TIMM17B: variants seen among roughly 807,000 people sequenced by gnomAD.
TIMM17B encodes the protein translocase of inner mitochondrial membrane 17B.
Under a neutral mutation model 15.9 loss-of-function variants are expected in TIMM17B, and 10 were observed. That is an observed-to-expected ratio of 0.63 (90% CI 0.39 to 1.06). The LOEUF is 1.06. Among genes scored for constraint, TIMM17B ranks in the 50% least tolerant of loss-of-function variants. The pLI, the probability that TIMM17B is intolerant of heterozygous loss-of-function variation, is 0.01. For missense variants in TIMM17B, 114 were observed against 152.2 expected, an observed-to-expected ratio of 0.75 and a Z score of 1.32; for synonymous variants, 57 against 57.2, an observed-to-expected ratio of 1.00 and a Z score of 0.02.
rs782105222 is a variant in TIMM17B at position 48,894,104 on chromosome X, A to T, written c.312T>A (p.Ala104=). 5 of 1,198,184 alleles carry T rather than the reference A, an allele frequency of 4.2e-6. No homozygotes were observed. In the Admixed American group the frequency reaches 1.1e-4, roughly 27 times the overall value. Residue 104 remains alanine, a synonymous_variant, in exon 5 of 7, where the codon GCT becomes GCA. Transcript: ENST00000376582. ...GGGCCAGGGGTCACTCACTGCGGGC[A>T]GCCAGCACAGCCCCGGTCAATGCTC...
At chrX:48,896,889 T>C (rs2063318337) in intron 2 of TIMM17B, 31 bp from the exon 2 acceptor site, 2 of 1,208,955 alleles carry the variant, frequency 1.7e-6, no homozygotes, top group Non-Finnish European at 2.2e-6. Flanking sequence ...ACGGGGTTAA[T>C]GTGAGCCCTC....
At chrX:48,894,817 T>A (rs1237156998) in intron 4 of TIMM17B, among the ~76,000 whole-genome samples, 1 of 111,498 alleles carries the variant, frequency 9.0e-6, no homozygotes, top group African/African-American at 3.3e-5. Flanking sequence ...GTTAAGCCAC[T>A]AGCCCAAGGT....
chrX:48,897,197 AGACT>A (rs1397123662), intron 2 of TIMM17B: 6 of 287,978 alleles, frequency 2.1e-5, no homozygotes, highest in African/African-American at 5.4e-5. Flanking sequence ...TAGCCAAGAC[AGACT>A]GTCAGCAAAG....
exon 5 of TIMM17B, chrX:48,894,136 T>C: frequency 1.7e-6 from 2 of 1,201,905 alleles, no homozygotes; most frequent in Non-Finnish European, 2.2e-6. Flanking sequence ...GCTCCACTGG[T>C]GATAGAGTTC....
At chrX:48,894,424 A>G (rs2063298313) in intron 4 of TIMM17B, among the ~76,000 whole-genome samples, 199 bp from the exon 4 acceptor site, 1 of 111,499 alleles carries the variant, frequency 9.0e-6, no homozygotes, top group Non-Finnish European at 1.9e-5. Flanking sequence ...TATAATCACC[A>G]TCAACATTCC....
chrX:48,897,729 C>G (rs200328128), exon 2 of TIMM17B: 7 of 1,208,872 alleles, frequency 5.8e-6, no homozygotes, highest in Non-Finnish European at 6.7e-6. Context: ...CGTACCAGGG[C>G]TCCCGAGCGT....
chrX:48,896,151 C>CAA (rs61674746), intron 3 of TIMM17B: 13,972 of 34,690 alleles, frequency 0.4, 2,790 homozygotes, highest in East Asian at 0.56. Flanking sequence ...GATGCTGTCT[C>CAA]AAAAAAAAAA....
chrX:48,893,813 G>A, exon 7 of TIMM17B: 2 of 1,180,572 alleles, frequency 1.7e-6, no homozygotes, highest in Non-Finnish European at 2.3e-6. Context: ...CCAGGAATGG[G>A]GGCGCTGGAG....
Position 48,897,654 on chromosome X carries a change from C to T in TIMM17B, c.26+70G>A, listed in dbSNP as rs55721510. The stretch of plus-strand genomic sequence containing the variant: ...CATGGCTCTGTGCGGCCGATGCCTC[C>T]CCCGCCCGACCCCCACGGCTGGCCT... On this transcript the variant is annotated intron_variant, in intron 2 of 6. Transcript: ENST00000376582. The T allele has an allele frequency of 6.8e-3, 6,532 of 960,499 alleles. 26 individuals are homozygous for T. The highest frequency in any genetic ancestry group is 8.6e-3 in the Non-Finnish European group (5,816 of 673,248). 79.2% of individuals were successfully genotyped at this position (960,499 alleles called of 1,213,427 possible).
At chrX:48,894,001 A>T in exon 6 of TIMM17B, 1 of 1,205,665 alleles carries the variant, frequency 8.3e-7, no homozygotes, top group Non-Finnish European at 1.1e-6. Context: ...CACCATGGCC[A>T]GTGGGCCACC....
chrX:48,893,766 G>A (rs782476205), exon 7 of TIMM17B: 32 of 1,164,360 alleles, frequency 2.7e-5, no homozygotes, highest in African/African-American at 3.6e-5. Context: ...GCCTGGGGCC[G>A]GGGTGCCATC....
At chrX:48,897,573 G>T in intron 2 of TIMM17B, 151 bp downstream of exon 1, 1 of 491,993 alleles carries the variant, frequency 2.0e-6, no homozygotes, top group South Asian at 2.9e-5. Flanking sequence ...GAGCCCGAAT[G>T]ACAGGAACCG....
intron 3 of TIMM17B, chrX:48,895,604 T>G (rs2063303379): frequency 6.4e-6 from 3 of 465,679 alleles, no homozygotes; most frequent in East Asian, 7.3e-5. Context: ...GATGACAAAC[T>G]TGGGCAAAGA....
intron 4 of TIMM17B, among the ~76,000 whole-genome samples, chrX:48,894,721 A>T (rs782617615): frequency 4.5e-5 from 5 of 111,946 alleles, no homozygotes; most frequent in Non-Finnish European, 9.4e-5. Context: ...AGCACTTAGT[A>T]GTATGTAAAT....
At chrX:48,895,450 C>T in intron 3 of TIMM17B, 1 of 516,027 alleles carries the variant, frequency 1.9e-6, no homozygotes, top group Non-Finnish European at 3.5e-6. Context: ...GTGGGAGACA[C>T]AGATCTTGAG....
Position 48,893,796 on chromosome X carries a change from G to A in TIMM17B, c.452C>T (p.Pro151Leu), listed in dbSNP as rs200147155. Reference sequence around the variant, plus strand: ...GCCATCCTTAGGGGGCAGCTGGCTGGGGTCCTCCAGGAATGGGGGCGCTGG... The same window carrying A: ...GCCATCCTTAGGGGGCAGCTGGCTGAGGTCCTCCAGGAATGGGGGCGCTGG... Residue 151 changes from proline (P) to leucine (L), a missense_variant, in exon 7 of 7, where the codon CCC becomes CTC. Pro to Leu is a moderately conservative substitution (Grantham distance 98). Transcript: ENST00000376582. 3 of 1,175,263 alleles carry A rather than the reference G, an allele frequency of 2.6e-6. No individual in the cohort carries two copies. The African/African-American group carries it at 5.3e-5, about 21-fold the overall frequency.
exon 2 of TIMM17B, chrX:48,897,748 A>C: frequency 8.3e-7 from 1 of 1,209,662 alleles, no homozygotes; most frequent in Non-Finnish European, 1.1e-6. Context: ...GTACTCCTCC[A>C]TGGCGCTGGC....
chrX:48,893,950 T>G, exon 6 of TIMM17B: 1 of 1,210,744 alleles, frequency 8.3e-7, no homozygotes, highest in Non-Finnish European at 1.1e-6. Flanking sequence ...GCCAACGCCC[T>G]CAATGAGGGC....
intron 3 of TIMM17B, chrX:48,896,164 A>AAC (rs1242930231): frequency 1.9e-5 from 2 of 106,189 alleles, no homozygotes; most frequent in Non-Finnish European, 3.9e-5. Flanking sequence ...AAAAAAAAAA[A>AAC]AAAAAAAAAA....
Sources: allele counts gnomAD v4.1 joint callset (sites outside exome capture counted in the v4.1 genomes callset), GRCh38; gene constraint gnomAD v4.1.1; transcripts MANE v1.5; gene names NCBI Gene and HGNC (gene_info 2026-07-23, HGNC 2026-07-21).